Variants in TCL1B observed in about 807,000 individuals in gnomAD.
The protein encoded by TCL1B is T-cell leukemia/lymphoma protein 1B.
TCL1B carries 14 observed loss-of-function variants against 16.9 expected under a neutral mutation model. The ratio of observed to expected loss-of-function variants is 0.83; its 90% CI spans 0.55 to 1.30. TCL1B has a LOEUF of 1.30. Among genes scored for constraint, TCL1B ranks in the 50% most tolerant of loss-of-function variants. The probability of loss-of-function intolerance (pLI) is 0.00; values close to 1 mark genes in which losing one functional copy is unlikely to be tolerated. For missense variants in TCL1B, 166 were observed against 165.2 expected (o/e 1.00, Z -0.03); for synonymous variants, 79 against 66.6 (o/e 1.19, Z -0.91).
At chr14:95,690,309 G>A (rs1383787267) in intron 1 of TCL1B, among the ~76,000 whole-genome samples, 3 of 152,094 alleles carry the variant, frequency 2.0e-5, no homozygotes, top group African/African-American at 7.2e-5. Context: ...GCCTTATTTC[G>A]TATATTTACT....
chr14:95,688,308 T>G (rs1476774939), intron 1 of TCL1B: 1 of 152,152 alleles, frequency 6.6e-6, no homozygotes, highest in Non-Finnish European at 1.5e-5. Flanking sequence ...TCACTGACAC[T>G]TTAAACAATA....
At chr14:95,689,825 C>G (rs914144628) in intron 1 of TCL1B, among the ~76,000 whole-genome samples, 6 of 152,166 alleles carry the variant, frequency 3.9e-5, no homozygotes. Context: ...CACAACATGT[C>G]TGATTGATAG....
Position 95,692,578 on chromosome 14 carries a change from C to T in TCL1B, c.*663C>T, listed in dbSNP as rs371836254. On this transcript the variant is annotated 3_prime_UTR_variant, in exon 4 of 4. Coordinates refer to ENST00000340722, the MANE Select transcript of TCL1B (RefSeq NM_004918.4). ...TCAGCTCACGGAAGGGATGCTAGTC[C>T]GTGAAGGTGACCTCACAGTACTGGT... is the stretch of plus-strand genomic sequence containing the variant. 28 of 152,250 alleles carry T rather than the reference C, an allele frequency of 1.8e-4. No homozygotes were observed. The highest frequency in any genetic ancestry group is 5.3e-4 in the African/African-American group (22 of 41,446). The allele number at this position is 152,250 out of a possible 1,614,324, so 9.4% of individuals were successfully genotyped here. A position where few individuals can be genotyped will look rare whatever the true frequency, so the allele number is the denominator to read the frequency against.
chr14:95,686,807 G>A (rs142079681), intron 1 of TCL1B, among the ~76,000 whole-genome samples, 178 bp downstream of exon 1: 1 of 152,192 alleles, frequency 6.6e-6, no homozygotes, highest in African/African-American at 2.4e-5. Context: ...AACACCCCCC[G>A]TAAAGGGACC....
In TCL1B at chr14:95,690,866, CA is replaced by C; in HGVS notation, c.294del (p.Ala99ArgfsTer8). On this transcript the variant is annotated frameshift_variant, in exon 2 of 4. Coordinates refer to ENST00000340722, the MANE Select transcript of TCL1B (RefSeq NM_004918.4). LOFTEE classifies it high-confidence loss of function. Reference sequence around the variant, plus strand: ...CTCTACCCCGGGAGGAAGTACCGAGCAGCGGATTCCAGTTTCTGGGAAATAG... The same window carrying C: ...CTCTACCCCGGGAGGAAGTACCGAGCGCGGATTCCAGTTTCTGGGAAATAG... ...WQLYPGRKYRAADSSFWEIAD... is the reference protein window; with the variant it reads ...WQLYPGRKYRXADSSFWEIAD... 6.2e-7 allele frequency: 1 copy of C among 1,614,186 alleles called. No individual in the cohort carries two copies. The highest frequency in any genetic ancestry group is 8.5e-7 in the Non-Finnish European group (1 of 1,179,992).
chr14:95,691,504 A>G (rs1885885293), intron 3 of TCL1B, 168 bp downstream of exon 3: 3 of 598,730 alleles, frequency 5.0e-6, no homozygotes, highest in South Asian at 4.2e-5. Flanking sequence ...GTGATGGTAC[A>G]CAGTGGGTGG....
At chr14:95,689,306 A>G (rs1480881680) in intron 1 of TCL1B, 3 of 149,638 alleles carry the variant, frequency 2.0e-5, no homozygotes, top group Admixed American at 2.0e-4. Flanking sequence ...AAAGCAAAAC[A>G]AAAAAAACAG....
At chr14:95,689,930 C>T (rs1407242883) in intron 1 of TCL1B, among the ~76,000 whole-genome samples, 1 of 152,186 alleles carries the variant, frequency 6.6e-6, no homozygotes, top group African/African-American at 2.4e-5. Flanking sequence ...TGTTGCATAA[C>T]GTAGGAAGCT....
chr14:95,691,715 A>G, intron 3 of TCL1B: 1 of 206,658 alleles, frequency 4.8e-6, no homozygotes, highest in Non-Finnish European at 1.0e-5. Context: ...CCCTAGATTT[A>G]ACCATGGCAC....
chr14:95,689,859 AAG>A (rs1166460708), intron 1 of TCL1B, among the ~76,000 whole-genome samples: 10 of 152,256 alleles, frequency 6.6e-5, no homozygotes. Flanking sequence ...TTAATTCAAA[AAG>A]ACATTTTATC....
intron 1 of TCL1B, among the ~76,000 whole-genome samples, chr14:95,689,962 T>A (rs1242230397): frequency 2.0e-5 from 3 of 152,240 alleles, no homozygotes; most frequent in Non-Finnish European, 2.9e-5. Context: ...TTTCCTATCA[T>A]CTTTCTAACT....
intron 1 of TCL1B, 140 bp from the exon 2 acceptor site, chr14:95,690,596 T>TA (rs1235403240): frequency 8.2e-6 from 8 of 970,748 alleles, no homozygotes; most frequent in Non-Finnish European, 1.2e-5. Context: ...GAGCCACAAG[T>TA]ACCAGTGCCA....
At chr14:95,690,069 G>A (rs575999176) in intron 1 of TCL1B, among the ~76,000 whole-genome samples, 1 of 152,288 alleles carries the variant, frequency 6.6e-6, no homozygotes, top group Admixed American at 6.5e-5. Flanking sequence ...GTGACCTGAC[G>A]ATAGCTTACA....
rs1406764632 is a variant in TCL1B at position 95,690,745 on chromosome 14, A to G, written c.172A>G (p.Ser58Gly). The G allele has an allele frequency of 6.2e-7, 1 of 1,613,012 alleles. No individual in the cohort carries two copies. The highest frequency in any genetic ancestry group is 2.2e-5 in the East Asian group (1 of 44,816). Reference protein sequence around the residue: ...RASQGSRYEPSITVHLWQMAV... With the variant: ...RASQGSRYEPGITVHLWQMAV... ...TTTCTGGTCCCTTCAGTATGAACCC[A>G]GCATCACAGTGCACTTGTGGCAGAT... Residue 58 changes from serine (S) to glycine (G), a missense_variant, in exon 2 of 4, where the codon AGC becomes GGC. Physicochemically the swap from Ser to Gly is moderately conservative, Grantham distance 56 (BLOSUM62 0). Coordinates refer to ENST00000340722, the MANE Select transcript of TCL1B (RefSeq NM_004918.4).
At chr14:95,690,460 A>G (rs1190426599) in intron 1 of TCL1B, among the ~76,000 whole-genome samples, 7 of 152,128 alleles carry the variant, frequency 4.6e-5, no homozygotes, top group Non-Finnish European at 1.5e-5. Context: ...TGGAGCCCCA[A>G]GAGAATACTC....
Position 95,691,335 on chromosome 14 carries a change from T to C in TCL1B, c.*14T>C, listed in dbSNP as rs758571338. 1 of 1,612,872 alleles carries C rather than the reference T, an allele frequency of 6.2e-7. No individual in the cohort carries two copies. Among genetic ancestry groups the C allele is most frequent in the East Asian group, 2.2e-5 (1 of 44,844 alleles). ...AGGAAAGACTGACACTGGGAGTGGC[T>C]GGTATGTTGGGGCCCTGTGCGTCTC... On this transcript the variant is annotated splice_region_variant and 3_prime_UTR_variant, in exon 3 of 4. Transcript: ENST00000340722.
chr14:95,691,454 A>G (rs1885884667), intron 3 of TCL1B, 118 bp downstream of exon 3: 2 of 908,652 alleles, frequency 2.2e-6, no homozygotes, highest in African/African-American at 3.3e-5. Context: ...GATTTTTCTT[A>G]CATAGCCACC....
chr14:95,690,809 T>C lies in TCL1B; in HGVS notation c.236T>C (p.Met79Thr), dbSNP rs1595341395. The change falls in exon 2 of 4, where the codon ATG becomes ACG. Residue 79 changes from methionine to threonine, a missense_variant. Met to Thr is a moderately conservative substitution (Grantham distance 81, BLOSUM62 -1). Coordinates refer to ENST00000340722, the MANE Select transcript of TCL1B (RefSeq NM_004918.4). Reference protein sequence around the residue: ...HTRELLSSGQMPFSQLPAVWQ... With the variant: ...HTRELLSSGQTPFSQLPAVWQ... ...CGGGAGCTACTCTCCTCCGGCCAGA[T>C]GCCCTTCTCCCAGCTGCCCGCCGTG... The C allele has an allele frequency of 1.1e-5, 18 of 1,614,112 alleles. No individual in the cohort carries two copies. In the East Asian group the frequency reaches 4.0e-4, roughly 36 times the overall value.
rs1474243849 is a variant in TCL1B, at chr14:95,692,175, G to A, written c.*260G>A. ...CACTGGGGCCCTGTCTGTGTGCTGA[G>A]CCAGTTTCCCCTGCTGGCTGCAAGC... On this transcript the variant is annotated 3_prime_UTR_variant, in exon 4 of 4. Coordinates refer to ENST00000340722, the MANE Select transcript of TCL1B (RefSeq NM_004918.4). 4 of 153,392 alleles carry A rather than the reference G, an allele frequency of 2.6e-5. No individual in the cohort carries two copies. The highest frequency in any genetic ancestry group is 2.0e-4 in the Admixed American group (3 of 15,290). 9.5% of individuals were successfully genotyped at this position (153,392 alleles called of 1,614,324 possible).
Sources: allele counts gnomAD v4.1 joint callset (sites outside exome capture counted in the v4.1 genomes callset), GRCh38; gene constraint gnomAD v4.1.1; transcripts MANE v1.5; gene names NCBI Gene and HGNC (gene_info 2026-07-23, HGNC 2026-07-21).